Variants in UNC13A observed in about 807,000 individuals in gnomAD.
UNC13A encodes protein unc-13 homolog A.
UNC13A carries 61 observed loss-of-function variants against 219.7 expected under a neutral mutation model. The ratio of observed to expected loss-of-function variants is 0.28; its 90% confidence interval spans 0.23 to 0.34. UNC13A has a LOEUF of 0.34. Ranked by LOEUF, UNC13A falls within the 10% of genes least tolerant of loss-of-function variation. The pLI, the probability that UNC13A is intolerant of heterozygous loss-of-function variation, is 1.00. For synonymous variants in UNC13A, 920 were observed against 884.6 expected (o/e 1.04, Z -0.71); for missense variants, 1,476 against 2,270.3 (o/e 0.65, Z 7.11).
At chr19:17,608,668 C>T (rs1438617972) in intron 43 of UNC13A, among the ~76,000 whole-genome samples, 1 of 151,334 alleles carries the variant, frequency 6.6e-6, no homozygotes, top group Non-Finnish European at 1.5e-5. Flanking sequence ...CAGGCGCCCG[C>T]CACCACGCCT....
At chr19:17,613,105 G>A (rs1248334604) in intron 41 of UNC13A, among the ~76,000 whole-genome samples, 2 of 152,044 alleles carry the variant, frequency 1.3e-5, no homozygotes, top group Admixed American at 6.6e-5. Context: ...GGTAGTGCAC[G>A]CCTGTAATCC....
chr19:17,680,884 CTTTT>C (rs1317298254), intron 1 of UNC13A, among the ~76,000 whole-genome samples: 1 of 69,552 alleles, frequency 1.4e-5, no homozygotes, highest in African/African-American at 5.9e-5. Flanking sequence ...TTTTTCTTTT[CTTTT>C]CTTTTTTTTT....
intron 36 of UNC13A, chr19:17,622,412 G>T: frequency 6.5e-6 from 1 of 153,906 alleles, no homozygotes. Context: ...CTATGAGAAG[G>T]CCTGGCATAT....
In UNC13A at chr19:17,642,983, A is replaced by G. The variant is rs576367909; in HGVS notation, c.2357-23T>C. 3.7e-5 allele frequency: 58 copies of G among 1,578,320 alleles called. No individual in the cohort carries two copies. The African/African-American group carries it at 5.4e-4, about 15-fold the overall frequency. ...TGTCTGCAGGGCAGAAAAAGAAGACAGTGTCAGAACTTCCCACTATAGCAG... is the reference window on the plus strand; with the variant it reads ...TGTCTGCAGGGCAGAAAAAGAAGACGGTGTCAGAACTTCCCACTATAGCAG... On this transcript the variant is annotated intron_variant, in intron 19 of 43. Transcript: ENST00000519716.
intron 4 of UNC13A, among the ~76,000 whole-genome samples, chr19:17,671,707 G>A (rs938518348): frequency 2.6e-5 from 4 of 152,108 alleles, no homozygotes; most frequent in African/African-American, 7.2e-5. Context: ...CTGGGAAGTC[G>A]AGGCTGCAGT....
chr19:17,666,452 T>C (rs1331384503), intron 7 of UNC13A, among the ~76,000 whole-genome samples, 198 bp downstream of exon 7: 1 of 152,098 alleles, frequency 6.6e-6, no homozygotes, highest in Non-Finnish European at 1.5e-5. Flanking sequence ...TGACCTCGGC[T>C]TCCCAAAGTG....
intron 8 of UNC13A, among the ~76,000 whole-genome samples, chr19:17,662,273 C>T (rs930695202): frequency 1.3e-5 from 2 of 151,796 alleles, no homozygotes; most frequent in South Asian, 2.1e-4. Context: ...CTCACGGGAG[C>T]GTGAACCCTA....
intron 1 of UNC13A, among the ~76,000 whole-genome samples, chr19:17,687,598 C>G (rs1039018181): frequency 2.6e-5 from 4 of 152,098 alleles, no homozygotes; most frequent in African/African-American, 7.2e-5. Context: ...ACACTCCCCC[C>G]ACTCCAGTCC....
chr19:17,683,313 G>A (rs1477831727), intron 1 of UNC13A, among the ~76,000 whole-genome samples: 2 of 151,962 alleles, frequency 1.3e-5, no homozygotes, highest in Admixed American at 6.6e-5. Context: ...GAGGGCATGG[G>A]CATAAAAATC....
rs57027465 is a variant in UNC13A at position 17,618,881 on chromosome 19, G to A, written c.4329+25C>T. The A allele has an allele frequency of 2.7e-3, 4,305 of 1,613,326 alleles. 99 individuals are homozygous for A. In the African/African-American group the frequency reaches 0.051, roughly 19 times the overall value. On this transcript the variant is annotated intron_variant, in intron 39 of 43. Transcript: ENST00000519716. Reference sequence around the variant, plus strand: ...ATGAGTTTGGGGGGCAGTCCCTCACGCCATAATCTATCCCCACTCCTCACC... The same window carrying A: ...ATGAGTTTGGGGGGCAGTCCCTCACACCATAATCTATCCCCACTCCTCACC...
chr19:17,611,173 A>C (rs2076599893), intron 42 of UNC13A, among the ~76,000 whole-genome samples: 1 of 151,418 alleles, frequency 6.6e-6, no homozygotes, highest in Non-Finnish European at 1.5e-5. Flanking sequence ...CCAGAGAAAA[A>C]CCAATTCTAT....
Position 17,621,826 on chromosome 19 carries a change from C to T in UNC13A, c.4242+6G>A. The T allele has an allele frequency of 6.2e-7, 1 of 1,613,996 alleles. No individual in the cohort carries two copies. The highest frequency in any genetic ancestry group is 8.5e-7 in the Non-Finnish European group (1 of 1,179,878). Reference sequence around the variant, plus strand: ...CAGGGCCTCAGTGAGACGAGGCCCTCATTACCTTTTCTAATCCCTTGCCAT... The same window carrying T: ...CAGGGCCTCAGTGAGACGAGGCCCTTATTACCTTTTCTAATCCCTTGCCAT... On this transcript the variant is annotated splice_donor_region_variant and intron_variant, in intron 37 of 43. Transcript: ENST00000519716.
intron 41 of UNC13A, among the ~76,000 whole-genome samples, chr19:17,614,863 A>G (rs2076645529): frequency 6.6e-6 from 1 of 152,132 alleles, no homozygotes; most frequent in Non-Finnish European, 1.5e-5. Context: ...TAGCAAGCTC[A>G]ATCCGGGCCA....
chr19:17,686,327 G>A (rs2080111688), intron 1 of UNC13A, among the ~76,000 whole-genome samples: 1 of 119,078 alleles, frequency 8.4e-6, no homozygotes, highest in Non-Finnish European at 1.8e-5. Flanking sequence ...CACTCCACTA[G>A]GCAAACCTTC....
chr19:17,684,840 G>A (rs901541052), intron 1 of UNC13A, among the ~76,000 whole-genome samples: 2 of 152,226 alleles, frequency 1.3e-5, no homozygotes, highest in African/African-American at 4.8e-5. Context: ...TCTAGGAGTG[G>A]GGTGTCACTA....
chr19:17,663,315 G>A (rs1339215900), intron 8 of UNC13A, among the ~76,000 whole-genome samples: 2 of 94,938 alleles, frequency 2.1e-5, no homozygotes, highest in African/African-American at 4.0e-5. Context: ...CCCCAATGAC[G>A]GTGCCCACTC....
chr19:17,687,140 C>T (rs960624764), intron 1 of UNC13A, among the ~76,000 whole-genome samples: 6 of 152,178 alleles, frequency 3.9e-5, no homozygotes, highest in Non-Finnish European at 5.9e-5. Context: ...CCCAGAACGC[C>T]TGGGTTCGGT....
intron 4 of UNC13A, among the ~76,000 whole-genome samples, chr19:17,670,193 A>C (rs1190923679): frequency 6.6e-6 from 1 of 150,646 alleles, no homozygotes; most frequent in East Asian, 2.0e-4. Context: ...TGATCCACCC[A>C]TCTCGGCCTC....
At chr19:17,629,956 C>A (rs532009842) in intron 30 of UNC13A, among the ~76,000 whole-genome samples, 189 bp downstream of exon 30, 10 of 151,634 alleles carry the variant, frequency 6.6e-5, no homozygotes, top group African/African-American at 2.2e-4. Context: ...TCAACTCCAA[C>A]CTCATCTCAA....
Sources: allele counts gnomAD v4.1 joint callset (sites outside exome capture counted in the v4.1 genomes callset), GRCh38; gene constraint gnomAD v4.1.1; transcripts MANE v1.5; gene names NCBI Gene and HGNC (gene_info 2026-07-23, HGNC 2026-07-21).